ACTR3C: variants seen among roughly 807,000 people sequenced by gnomAD.
ACTR3C encodes actin related protein 3C, also known as actin-related protein 3C.
Under a neutral mutation model 26.3 loss-of-function variants are expected in ACTR3C, and 18 were observed. The ratio of observed to expected loss-of-function variants is 0.68; its 90% CI spans 0.47 to 1.01. ACTR3C has a LOEUF of 1.01. Ranked by LOEUF, ACTR3C falls within the 50% of genes least tolerant of loss-of-function variation. ACTR3C has a pLI of 0.00. For synonymous variants in ACTR3C, 55 were observed against 94.5 expected (o/e 0.58, Z 2.42); for missense variants, 184 against 250.7 (o/e 0.73, Z 1.80).
chr7:150,043,191 G>A, the ACTR3C span, among the ~76,000 whole-genome samples: 1 of 150,152 alleles, frequency 6.7e-6, no homozygotes, highest in African/African-American at 2.5e-5. Context: ...ACCTGCCGTC[G>A]GAAGATTTGA....
the ACTR3C span, among the ~76,000 whole-genome samples, chr7:150,125,865 C>T: frequency 2.0e-5 from 3 of 152,280 alleles, no homozygotes; most frequent in Non-Finnish European, 2.9e-5. Context: ...AAGAAGCCAG[C>T]GCATTAGGAA....
chr7:149,910,467 G>A, the ACTR3C span, among the ~76,000 whole-genome samples: 1 of 151,984 alleles, frequency 6.6e-6, no homozygotes, highest in Non-Finnish European at 1.5e-5. Flanking sequence ...ATAAAAGGGG[G>A]GGTGGTGGGA....
At chr7:150,167,149 A>C in the ACTR3C span, among the ~76,000 whole-genome samples, 1 of 150,338 alleles carries the variant, frequency 6.7e-6, no homozygotes, top group Non-Finnish European at 1.5e-5. Flanking sequence ...TGACATACCA[A>C]TTTCTTTTGT....
chr7:150,132,745 C>T, the ACTR3C span, among the ~76,000 whole-genome samples: 3 of 152,204 alleles, frequency 2.0e-5, no homozygotes, highest in African/African-American at 4.8e-5. Flanking sequence ...AATCCCACTA[C>T]TGGGTATATA....
At chr7:149,882,839 G>T in the ACTR3C span, among the ~76,000 whole-genome samples, 1 of 152,294 alleles carries the variant, frequency 6.6e-6, no homozygotes, top group East Asian at 1.9e-4. Context: ...AATCATGGGA[G>T]TGAAAAATTA....
chr7:149,924,400 C>T, the ACTR3C span, among the ~76,000 whole-genome samples: 3 of 152,020 alleles, frequency 2.0e-5, no homozygotes, highest in African/African-American at 4.8e-5. Context: ...AAAGAACATT[C>T]GCAAACCCTC....
At chr7:149,899,650 A>T in the ACTR3C span, among the ~76,000 whole-genome samples, 4 of 150,590 alleles carry the variant, frequency 2.7e-5, no homozygotes, top group African/African-American at 4.8e-5. Context: ...TGGGATATAT[A>T]AGAAAAGATT....
rs1834677244 is a variant in ACTR3C, at chr7:150,274,257, G to A, written c.564+10496C>T. 6.6e-6 allele frequency among the ~76,000 whole-genome samples: 1 copy of A among 152,134 alleles called. No homozygotes were observed. The highest frequency in any genetic ancestry group is 2.1e-4 in the South Asian group (1 of 4,826). On this transcript the variant is annotated intron_variant, in intron 6 of 7. Coordinates refer to ENST00000683684, the MANE Select transcript of ACTR3C (RefSeq NM_001164458.2). This position sits in a 1 kb window ranked among gnomAD's most constrained non-coding sequence, Gnocchi z 4.1. ...CATAATGTGTTTGTTACCAACTGAA[G>A]GTTTGAGGAAACGGCACCAAGCAGG...
At chr7:150,250,113 C>T (rs1832727656) in intron 6 of ACTR3C, among the ~76,000 whole-genome samples, 1 of 151,380 alleles carries the variant, frequency 6.6e-6, no homozygotes, top group African/African-American at 2.4e-5. Flanking sequence ...CTGTTGGTTA[C>T]ATTGAGGCCA....
At chr7:150,077,212 C>T in the ACTR3C span, among the ~76,000 whole-genome samples, 1 of 152,090 alleles carries the variant, frequency 6.6e-6, no homozygotes, top group Non-Finnish European at 1.5e-5. Context: ...TTCCATTAAA[C>T]CGAATGGCAA....
At chr7:149,966,284 A>C in the ACTR3C span, among the ~76,000 whole-genome samples, 1 of 152,152 alleles carries the variant, frequency 6.6e-6, no homozygotes, top group Admixed American at 6.5e-5. Flanking sequence ...CCCCCATCTG[A>C]TGTGAGATCT....
At chr7:150,291,626 G>A (rs1193327246) in intron 3 of ACTR3C, among the ~76,000 whole-genome samples, 12 of 152,126 alleles carry the variant, frequency 7.9e-5, no homozygotes, top group Admixed American at 7.2e-4. Flanking sequence ...CTTTCTTAGT[G>A]GGCCTGGACA....
intron 1 of ACTR3C, among the ~76,000 whole-genome samples, chr7:150,305,204 T>A (rs1194631337): frequency 1.3e-5 from 2 of 152,172 alleles, no homozygotes; most frequent in East Asian, 3.8e-4. Flanking sequence ...TCCCACTGAC[T>A]CAGAGCTGCA....
chr7:149,979,843 A>G, the ACTR3C span, among the ~76,000 whole-genome samples: 1 of 149,980 alleles, frequency 6.7e-6, no homozygotes, highest in Non-Finnish European at 1.5e-5. Flanking sequence ...CATAGAAAGT[A>G]AAGACTGGAG....
the ACTR3C span, among the ~76,000 whole-genome samples, chr7:150,212,965 A>G: frequency 1.3e-5 from 2 of 151,432 alleles, no homozygotes; most frequent in Admixed American, 6.6e-5. Context: ...CTAATTTTAA[A>G]TATGTTATAT....
At chr7:150,130,314 A>G in the ACTR3C span, among the ~76,000 whole-genome samples, 1 of 152,216 alleles carries the variant, frequency 6.6e-6, no homozygotes, top group Non-Finnish European at 1.5e-5. Context: ...AAAAAAATTG[A>G]TAAATTAGAC....
At chr7:150,051,133 C>T in the ACTR3C span, among the ~76,000 whole-genome samples, 2 of 146,448 alleles carry the variant, frequency 1.4e-5, no homozygotes, top group Non-Finnish European at 3.0e-5. Flanking sequence ...TGTTCTATAC[C>T]TCGTGTGTAT....
the ACTR3C span, among the ~76,000 whole-genome samples, chr7:149,913,795 C>T: frequency 1.3e-5 from 2 of 151,526 alleles, no homozygotes; most frequent in Admixed American, 6.6e-5. Flanking sequence ...TATACCACAA[C>T]CTTCTTCCAC....
At chr7:149,969,595 A>G in the ACTR3C span, among the ~76,000 whole-genome samples, 16 of 152,318 alleles carry the variant, frequency 1.1e-4, no homozygotes, top group South Asian at 3.1e-3. Context: ...AAGCAAATGC[A>G]GTGTATTCTT....
Sources: gnomAD v4.1 joint callset for allele counts (sites outside exome capture counted in the v4.1 genomes callset) on GRCh38, gnomAD v4.1.1 for gene constraint, Gnocchi (gnomAD v3.1) non-coding constraint, MANE v1.5 for transcripts, NCBI Gene and HGNC (gene_info 2026-07-23, HGNC 2026-07-21) for gene names.